NTN5: variants seen among roughly 807,000 people sequenced by gnomAD.
NTN5 encodes the protein netrin 5.
In NTN5, 42 loss-of-function variants were observed where a neutral mutation model predicts 38.7. That is an observed-to-expected ratio of 1.08 (90% confidence interval 0.85 to 1.40). The LOEUF is 1.40. Ranked by LOEUF, NTN5 falls within the 40% of genes most tolerant of loss-of-function variation. NTN5 has a pLI of 0.00. For missense variants in NTN5, 658 were observed against 716.5 expected (o/e 0.92, Z 0.93); for synonymous variants, 329 against 303.9 (o/e 1.08, Z -0.86).
Position 48,661,792 on chromosome 19 carries a change from G to T in NTN5, c.1355C>A (p.Ala452Glu). The stretch of plus-strand genomic sequence containing the variant: ...GGCCCAGCGCGGCCTCCATGGCAGC[G>T]CGAGGCCGTGGCGGTCGAGGATGAG... ...TRLILDRHGL[A>E]LPWRPRWARP... The change falls in exon 7 of 7, where the codon GCG (alanine) becomes GAG (glutamate). Residue 452 changes from alanine (A) to glutamate (E), a missense_variant. Physicochemically the swap from Ala to Glu is moderately radical, Grantham distance 107. Transcript: ENST00000270235. 1 of 1,380,810 alleles carries T rather than the reference G, an allele frequency of 7.2e-7. No homozygotes were observed. The highest frequency in any genetic ancestry group is 9.3e-7 in the Non-Finnish European group (1 of 1,075,220). 85.5% of individuals were successfully genotyped at this position (1,380,810 alleles called of 1,614,324 possible). A position where few individuals can be genotyped will look rare whatever the true frequency, so the allele number is the denominator to read the frequency against.
At chr19:48,667,454 C>A in intron 2 of NTN5, 1 of 359,084 alleles carries the variant, frequency 2.8e-6, no homozygotes. Flanking sequence ...CTGCCTCATC[C>A]TCAGGCCTGG....
At position 48,670,718 on chromosome 19, in the gene NTN5, A is replaced by T. The variant is rs1262533771; in HGVS notation, c.269T>A (p.Leu90His). 1 of 1,612,518 alleles carries T rather than the reference A, an allele frequency of 6.2e-7. No individual in the cohort carries two copies. Among genetic ancestry groups the T allele is most frequent in the East Asian group, 2.2e-5 (1 of 44,854 alleles). ...TGAGGCCCAGGCAGCAGACAGGATG[A>T]GGGCTGGGGGTCCTGGGGTACAGAA... is the stretch of plus-strand genomic sequence containing the variant. The part of the protein sequence containing the change: ...LRFCTPGPPA[L>H]ILSAAWASGG... The change falls in exon 2 of 7, where the codon CTC becomes CAC. Residue 90 changes from leucine (L) to histidine (H), a missense_variant. Physicochemically the swap from Leu to His is moderately conservative, Grantham distance 99. Transcript: ENST00000270235.
At position 48,661,768 on chromosome 19, in the gene NTN5, G is replaced by T. The variant is rs780953303; in HGVS notation, c.1379C>A (p.Ala460Asp). The change falls in exon 7 of 7, where the codon GCC becomes GAC. Residue 460 changes from alanine (A) to aspartate (D), a missense_variant. Coordinates refer to ENST00000270235, the MANE Select transcript of NTN5 (RefSeq NM_145807.4). ...GLALPWRPRW[A>D]RPLKRLQQEE... ...CTGCTGCAGCCGCTTCAGGGGCCGG[G>T]CCCAGCGCGGCCTCCATGGCAGCGC... 2 of 1,462,956 alleles carry T rather than the reference G, an allele frequency of 1.4e-6. No homozygotes were observed. The highest frequency in any genetic ancestry group is 3.0e-5 in the African/African-American group (2 of 67,792). The allele number at this position is 1,462,956 out of a possible 1,614,324, so 90.6% of individuals were successfully genotyped here. A position where few individuals can be genotyped will look rare whatever the true frequency, so the allele number is the denominator to read the frequency against.
chr19:48,668,218 C>T (rs2031756254), intron 2 of NTN5, among the ~76,000 whole-genome samples: 1 of 152,134 alleles, frequency 6.6e-6, no homozygotes, highest in South Asian at 2.1e-4. Context: ...GGGTTAAATC[C>T]CTTGCTGGCA....
intron 1 of NTN5, among the ~76,000 whole-genome samples, chr19:48,672,654 A>G (rs1416670480): frequency 6.6e-6 from 1 of 152,076 alleles, no homozygotes; most frequent in Non-Finnish European, 1.5e-5. Context: ...TTCTCTCTGG[A>G]TAGTTGCTGG....
At position 48,664,734 on chromosome 19, in the gene NTN5, C is replaced by A; in HGVS notation, c.665G>T (p.Arg222Leu). ...CAGTCTGAACAGCTCAGAGTTGAAC[C>A]GGCAGCGTCGGGCGTGCTGGTTGCA... ...CSCNQHARRCRFNSELFRLSG... is the reference protein window; with the variant it reads ...CSCNQHARRCLFNSELFRLSG... The change falls in exon 3 of 7, where the codon CGG becomes CTG. Residue 222 changes from arginine (R) to leucine (L), a missense_variant. Coordinates refer to ENST00000270235, the MANE Select transcript of NTN5 (RefSeq NM_145807.4). The A allele has an allele frequency of 3.2e-6, 5 of 1,585,020 alleles. No individual in the cohort carries two copies. Among genetic ancestry groups the A allele is most frequent in the Non-Finnish European group, 4.3e-6 (5 of 1,166,174 alleles).
chr19:48,666,382 T>C (rs1374551713), intron 2 of NTN5, among the ~76,000 whole-genome samples: 2 of 152,048 alleles, frequency 1.3e-5, no homozygotes, highest in East Asian at 1.9e-4. Context: ...TTATTAAAAA[T>C]ACATTAACAG....
rs1356508559 is a variant in NTN5 at position 48,661,499 on chromosome 19, C to G, written c.*178G>C. The G allele has an allele frequency of 1.5e-6, 1 of 675,300 alleles. No individual in the cohort carries two copies. Among genetic ancestry groups the G allele is most frequent in the Non-Finnish European group, 2.2e-6 (1 of 460,990 alleles). The allele number at this position is 675,300 out of a possible 1,614,324, so 41.8% of individuals were successfully genotyped here. On this transcript the variant is annotated 3_prime_UTR_variant, in exon 7 of 7. Transcript: ENST00000270235. ...GAGGAAATGTTGGGACCAGAAGTCC[C>G]GCTTGCCGCCTTTTGCTAAAAGTTC...
At position 48,661,606 on chromosome 19, in the gene NTN5, G is replaced by A; in HGVS notation, c.*71C>T. The A allele has an allele frequency of 7.1e-7, 1 of 1,409,068 alleles. No individual in the cohort carries two copies. Among genetic ancestry groups the A allele is most frequent in the Non-Finnish European group, 9.2e-7 (1 of 1,082,368 alleles). 87.3% of individuals were successfully genotyped at this position (1,409,068 alleles called of 1,614,324 possible). The stretch of plus-strand genomic sequence containing the variant: ...GATTGGCTCTCTGCAGTGCACCGTC[G>A]AGGTAGAAGGCTCAGCTCCTAGTCG... On this transcript the variant is annotated 3_prime_UTR_variant, in exon 7 of 7. Transcript: ENST00000270235.
chr19:48,669,573 CCAT>C lies in NTN5; in HGVS notation c.631+780_631+782del, dbSNP rs1568452248. Among the ~76,000 whole-genome samples the C allele has an allele frequency of 3.1e-3, 5 of 1,620 alleles. 1 individual carries two copies. The highest frequency in any genetic ancestry group is 6.1e-3 in the Non-Finnish European group (4 of 658). The allele number at this position is 1,620 out of a possible 152,430, so 1.1% of individuals were successfully genotyped here. ...ACCACCATCACCACCACCATCACCA[CCAT>C]CACCACCACGACCACCATCACCACC... On this transcript the variant is annotated intron_variant, in intron 2 of 6. Transcript: ENST00000270235.
rs1292820819 is a variant in NTN5, at chr19:48,670,860, A to G, written c.127T>C (p.Cys43Arg). ...VTQLAAVAAS[C>R]PQACALSPGN... is the part of the protein sequence containing the mutation. ...GGGGACAGGGCACAGGCCTGAGGGC[A>G]GGAGGCCGCCACGGCAGCCAGCTGT... is the stretch of plus-strand genomic sequence containing the variant. Residue 43 changes from cysteine (C) to arginine (R), a missense_variant, in exon 2 of 7, where the codon TGC becomes CGC. Coordinates refer to ENST00000270235, the MANE Select transcript of NTN5 (RefSeq NM_145807.4). 8 of 1,611,632 alleles carry G rather than the reference A, an allele frequency of 5.0e-6. No homozygotes were observed. The highest frequency in any genetic ancestry group is 1.3e-5 in the African/African-American group (1 of 74,900).
At chr19:48,669,136 T>TATCACC in intron 2 of NTN5, among the ~76,000 whole-genome samples, 1 of 44,366 alleles carries the variant, frequency 2.3e-5, no homozygotes, top group African/African-American at 9.1e-5. Context: ...ACCATCATCA[T>TATCACC]ATCACCATCA....
intron 1 of NTN5, among the ~76,000 whole-genome samples, chr19:48,672,172 G>C (rs573263887): frequency 6.6e-6 from 1 of 152,276 alleles, no homozygotes; most frequent in Admixed American, 6.5e-5. Context: ...GAGGAGGAGA[G>C]AGGCAGGAAG....
At chr19:48,662,487 G>C (rs1246196799) in intron 6 of NTN5, 1 of 153,492 alleles carries the variant, frequency 6.5e-6, no homozygotes, top group Non-Finnish European at 1.4e-5. Flanking sequence ...TTTTTTTTGA[G>C]ACGGAATCTT....
In NTN5 at chr19:48,672,929, A is replaced by C. The variant is rs2031999386; in HGVS notation, c.-21+3T>G. The C allele has an allele frequency of 3.9e-6, 1 of 258,154 alleles. No individual in the cohort carries two copies. Among genetic ancestry groups the C allele is most frequent in the Non-Finnish European group, 8.1e-6 (1 of 124,042 alleles). 16.0% of individuals were successfully genotyped at this position (258,154 alleles called of 1,614,324 possible). A position where few individuals can be genotyped will look rare whatever the true frequency, so the allele number is the denominator to read the frequency against. On this transcript the variant is annotated splice_donor_region_variant and intron_variant, in intron 1 of 6. Coordinates refer to ENST00000270235, the MANE Select transcript of NTN5 (RefSeq NM_145807.4). ...AGCCCTGAGGCCCCGACATTGGCCA[A>C]ACCTGCACTCAAGAAGAGAGCGTCC... is the stretch of plus-strand genomic sequence containing the variant.
intron 3 of NTN5, 121 bp from the exon 4 acceptor site, chr19:48,664,413 C>A (rs1262982125): frequency 7.3e-7 from 1 of 1,365,984 alleles, no homozygotes; most frequent in Non-Finnish European, 9.9e-7. Context: ...TCCCTCAGAC[C>A]CAGGAGTCCA....
intron 1 of NTN5, among the ~76,000 whole-genome samples, chr19:48,672,463 C>T (rs1490587515): frequency 1.3e-5 from 2 of 152,176 alleles, no homozygotes; most frequent in Non-Finnish European, 2.9e-5. Context: ...CCAGCCTGGC[C>T]TCACTGCCCA....
At position 48,672,984 on chromosome 19, in the gene NTN5, C is replaced by G; in HGVS notation, c.-73G>C. On this transcript the variant is annotated 5_prime_UTR_variant, in exon 1 of 7. Coordinates refer to ENST00000270235, the MANE Select transcript of NTN5 (RefSeq NM_145807.4). ...GCCAGTTCCCCGCAGGCTCTTCCTCCAAGCTGTGGCGCGGTGGGCTCTCAG... is the reference window on the plus strand; with the variant it reads ...GCCAGTTCCCCGCAGGCTCTTCCTCGAAGCTGTGGCGCGGTGGGCTCTCAG... 1 of 311,586 alleles carries G rather than the reference C, an allele frequency of 3.2e-6. No individual in the cohort carries two copies. Among genetic ancestry groups the G allele is most frequent in the South Asian group, 2.4e-5 (1 of 41,724 alleles). 19.3% of individuals were successfully genotyped at this position (311,586 alleles called of 1,614,324 possible).
intron 2 of NTN5, among the ~76,000 whole-genome samples, chr19:48,668,851 C>T (rs1303070367): frequency 6.6e-6 from 1 of 152,096 alleles, no homozygotes; most frequent in African/African-American, 2.4e-5. Context: ...GTCCTGTTCC[C>T]CTACAACTGT....
Sources: allele counts gnomAD v4.1 joint callset (sites outside exome capture counted in the v4.1 genomes callset), GRCh38; gene constraint gnomAD v4.1.1; transcripts MANE v1.5; gene names NCBI Gene and HGNC (gene_info 2026-07-23, HGNC 2026-07-21).